The following REPS1 variants were observed in gnomAD, a reference collection of about 807,000 sequenced individuals.
The protein encoded by REPS1 is RALBP1 associated Eps domain containing 1.
Under a neutral mutation model 100.9 loss-of-function variants are expected in REPS1, and 39 were observed. The observed-to-expected ratio is 0.39, with a 90% CI of 0.30 to 0.50. REPS1 has a LOEUF of 0.50. REPS1 is among the 20% of genes least tolerant of loss of function. REPS1 has a pLI of 0.86. For synonymous variants in REPS1, 324 were observed against 340.3 expected, an observed-to-expected ratio of 0.95 and a Z score of 0.53; for missense variants, 821 against 968.5, an observed-to-expected ratio of 0.85 and a Z score of 2.02.
At position 138,983,043 on chromosome 6, in the gene REPS1, A is replaced by G. The variant is rs1785042570; in HGVS notation, c.153+4487T>C. ...ACTATGGGGAAGTCAAAATCAGACC[A>G]ACTGAATTTTATTCCTCACCCTGCT... On this transcript the variant is annotated intron_variant, in intron 1 of 19. Coordinates refer to ENST00000450536, the MANE Select transcript of REPS1 (RefSeq NM_001286611.2). Among the ~76,000 whole-genome samples the G allele has an allele frequency of 2.6e-5, 4 of 152,240 alleles. No individual in the cohort carries two copies. The South Asian group carries it at 8.3e-4, about 31-fold the overall frequency.
At chr6:138,916,173 C>T in intron 13 of REPS1, 197 bp from the exon 14 acceptor site, 92 of 438,240 alleles carry the variant, frequency 2.1e-4, no homozygotes, top group South Asian at 7.1e-4. Flanking sequence ...TTTTATGTGG[C>T]TAACAATTTT....
chr6:138,959,649 T>C (rs957741489), intron 1 of REPS1, among the ~76,000 whole-genome samples: 3 of 152,182 alleles, frequency 2.0e-5, no homozygotes, highest in Non-Finnish European at 2.9e-5. Flanking sequence ...GACTTATAAA[T>C]GTACAACACT....
intron 1 of REPS1, among the ~76,000 whole-genome samples, chr6:138,958,469 T>C (rs1373916431): frequency 6.6e-6 from 1 of 151,436 alleles, no homozygotes; most frequent in African/African-American, 2.4e-5. Flanking sequence ...GCTGCACCTA[T>C]TGACCTGTCC....
At position 138,943,645 on chromosome 6, in the gene REPS1, T is replaced by A; in HGVS notation, c.917-69A>T. Reference sequence around the variant, plus strand: ...CGGATCCACGAACAGAATGTAAGAGTCTTAGACTTTTTTAACTGGGAAAAG... The same window carrying A: ...CGGATCCACGAACAGAATGTAAGAGACTTAGACTTTTTTAACTGGGAAAAG... On this transcript the variant is annotated intron_variant, in intron 6 of 19. Coordinates refer to ENST00000450536, the MANE Select transcript of REPS1 (RefSeq NM_001286611.2). The A allele has an allele frequency of 2.5e-6, 3 of 1,217,524 alleles. No homozygotes were observed. In the South Asian group the frequency reaches 4.3e-5, roughly 17 times the overall value. The allele number at this position is 1,217,524 out of a possible 1,614,324, so 75.4% of individuals were successfully genotyped here.
chr6:138,950,255 C>T (rs1782927556), intron 1 of REPS1, among the ~76,000 whole-genome samples: 2 of 152,014 alleles, frequency 1.3e-5, no homozygotes, highest in African/African-American at 4.8e-5. Flanking sequence ...AGGAGGACTG[C>T]TTGAGGCCAG....
intron 9 of REPS1, chr6:138,928,509 G>A (rs575385122): frequency 5.9e-5 from 9 of 152,122 alleles, no homozygotes; most frequent in African/African-American, 2.2e-4. Context: ...AAAAAATTAT[G>A]ACATTCATGA....
intron 12 of REPS1, among the ~76,000 whole-genome samples, chr6:138,919,366 C>T (rs1273952966): frequency 1.3e-5 from 2 of 152,152 alleles, no homozygotes; most frequent in African/African-American, 2.4e-5. Context: ...TGTTTTGTCT[C>T]GCCTTCTTTT....
intron 10 of REPS1, among the ~76,000 whole-genome samples, chr6:138,922,535 C>T (rs1370212431): frequency 6.6e-6 from 1 of 152,050 alleles, no homozygotes; most frequent in Non-Finnish European, 1.5e-5. Flanking sequence ...CAATGGTAGC[C>T]TCTCAGAAAA....
chr6:138,914,406 C>T (rs1049115391), intron 15 of REPS1, among the ~76,000 whole-genome samples: 1 of 152,180 alleles, frequency 6.6e-6, no homozygotes, highest in Non-Finnish European at 1.5e-5. Flanking sequence ...CTGCTAGACC[C>T]AGGACATTAA....
intron 1 of REPS1, among the ~76,000 whole-genome samples, chr6:138,987,179 G>C (rs9495296): frequency 6.6e-6 from 1 of 151,984 alleles, no homozygotes; most frequent in East Asian, 1.9e-4. Context: ...TGCAGGATCC[G>C]AAAAGCTCTC....
chr6:138,930,190 T>C (rs1781402140), intron 8 of REPS1, 92 bp from the exon 9 acceptor site: 2 of 989,850 alleles, frequency 2.0e-6, no homozygotes, highest in Admixed American at 2.3e-5. Context: ...CAACCGATGA[T>C]TTTCATAAGT....
chr6:138,937,567 TG>T (rs1781933847), intron 8 of REPS1, among the ~76,000 whole-genome samples: 2 of 152,186 alleles, frequency 1.3e-5, no homozygotes, highest in African/African-American at 4.8e-5. Flanking sequence ...TGTAGATCCA[TG>T]CAACGCACCC....
In REPS1 at chr6:138,943,963, C is replaced by T. The variant is rs746519188; in HGVS notation, c.806G>A (p.Arg269His). 5.0e-5 allele frequency: 81 copies of T among 1,613,660 alleles called. No homozygotes were observed. Among genetic ancestry groups the T allele is most frequent in the Non-Finnish European group, 6.4e-5 (76 of 1,179,794 alleles). Residue 269 changes from arginine to histidine, a missense_variant, in exon 6 of 20, where the codon CGT becomes CAT. By Grantham distance (29) the Arg-to-His change is conservative. Transcript: ENST00000450536. ...VASATTAIEI[R>H]RQSSSYDDPW... The stretch of plus-strand genomic sequence containing the variant: ...ATCATCATAACTACTGGATTGCCTA[C>T]GAATTTCAATGGCAGTTGTAGCTGA...
chr6:138,938,943 G>GT (rs1421601277), intron 8 of REPS1, among the ~76,000 whole-genome samples: 2 of 151,726 alleles, frequency 1.3e-5, no homozygotes, highest in African/African-American at 4.8e-5. Context: ...CGCCTCCTGG[G>GT]TTCAAGCAAT....
chr6:138,951,687 T>A (rs879294219), intron 1 of REPS1, among the ~76,000 whole-genome samples: 3 of 152,192 alleles, frequency 2.0e-5, no homozygotes, highest in Non-Finnish European at 2.9e-5. Context: ...TTTGAAATAA[T>A]TCACCTGTGA....
chr6:138,983,096 G>A (rs1157232705), intron 1 of REPS1, among the ~76,000 whole-genome samples: 2 of 152,292 alleles, frequency 1.3e-5, no homozygotes, highest in Non-Finnish European at 2.9e-5. Context: ...GAGAAGGTAA[G>A]AGCTGGGACG....
rs1781419112 is a variant in REPS1, at chr6:138,930,454, G to C, written c.1136-356C>G. Among the ~76,000 whole-genome samples, 3 of 152,164 alleles carry C rather than the reference G, an allele frequency of 2.0e-5. No individual in the cohort carries two copies. In the South Asian group the frequency reaches 6.2e-4, roughly 32 times the overall value. ...ATTCTATTCCATGGAATACTCATCA[G>C]TAAGGTGGCTTTGAAAAATTAGGTT... On this transcript the variant is annotated intron_variant, in intron 8 of 19. Transcript: ENST00000450536.
Position 138,987,560 on chromosome 6 carries a change from G to A in REPS1, c.123C>T (p.Ala41=). 1 of 1,550,050 alleles carries A rather than the reference G, an allele frequency of 6.5e-7. No homozygotes were observed. Among genetic ancestry groups the A allele is most frequent in the East Asian group, 2.5e-5 (1 of 40,714 alleles). The change falls in exon 1 of 20, where the codon GCC becomes GCT. Residue 41 remains alanine, a synonymous_variant. Transcript: ENST00000450536. ...GGACCACGTCGTTCGGCAGCTGCGCGGCCCGGAACAGCTCCAGCACCCGCC... is the reference window on the plus strand; with the variant it reads ...GGACCACGTCGTTCGGCAGCTGCGCAGCCCGGAACAGCTCCAGCACCCGCC... The part of the protein sequence containing the change: ...VNGRVLELFR[A]AQLPNDVVLQ...
intron 8 of REPS1, among the ~76,000 whole-genome samples, chr6:138,939,999 T>C (rs1295577602): frequency 6.6e-6 from 1 of 152,150 alleles, no homozygotes; most frequent in African/African-American, 2.4e-5. Context: ...GTGAATGGCA[T>C]CAAATCCACA....
Sources: gnomAD v4.1 joint callset for allele counts (sites outside exome capture counted in the v4.1 genomes callset) on GRCh38, gnomAD v4.1.1 for gene constraint, MANE v1.5 for transcripts, NCBI Gene and HGNC (gene_info 2026-07-23, HGNC 2026-07-21) for gene names.